Variants in RASSF5 observed in about 807,000 individuals in gnomAD.
The protein encoded by RASSF5 is Ras association domain family member 5, also known as ras association domain-containing protein 5.
In RASSF5, 25 loss-of-function variants were observed where a neutral mutation model predicts 40.5. The observed-to-expected ratio is 0.62, with a 90% CI of 0.45 to 0.86. The LOEUF (loss-of-function observed/expected upper bound fraction) is 0.86, where lower values mean the gene tolerates loss of function less well. RASSF5 is among the 40% of genes least tolerant of loss of function. The probability of loss-of-function intolerance (pLI) is 0.00; values close to 1 mark genes in which losing one functional copy is unlikely to be tolerated. For synonymous variants in RASSF5, 246 were observed against 252.4 expected (o/e 0.97, Z 0.24); for missense variants, 521 against 572.8 (o/e 0.91, Z 0.92).
chr1:206,571,398 G>A (rs1668444110), intron 2 of RASSF5: 1 of 152,070 alleles, frequency 6.6e-6, no homozygotes, highest in Non-Finnish European at 1.5e-5. Context: ...GAGAGCTTAG[G>A]AGAGAGTTGG....
intron 2 of RASSF5, among the ~76,000 whole-genome samples, chr1:206,548,450 G>A (rs1307667626): frequency 1.3e-5 from 2 of 152,144 alleles, no homozygotes; most frequent in Non-Finnish European, 2.9e-5. Context: ...GGAACAATAC[G>A]AGATGCTCAT....
intron 2 of RASSF5, among the ~76,000 whole-genome samples, chr1:206,547,755 C>T (rs1667735154): frequency 6.6e-6 from 1 of 152,084 alleles, no homozygotes; most frequent in Non-Finnish European, 1.5e-5. Context: ...CTGCTATAAG[C>T]CCCTTACAAT....
chr1:206,526,409 A>C (rs1271407883), intron 1 of RASSF5, among the ~76,000 whole-genome samples: 3 of 151,954 alleles, frequency 2.0e-5, no homozygotes, highest in Non-Finnish European at 2.9e-5. Flanking sequence ...TAAATCAAGG[A>C]ACTACAGTAA....
chr1:206,558,939 C>G lies in RASSF5; in HGVS notation c.579+20646C>G, dbSNP rs1342548775. On this transcript the variant is annotated intron_variant, in intron 2 of 5. Coordinates refer to ENST00000579436, the MANE Select transcript of RASSF5 (RefSeq NM_182663.4). The stretch of plus-strand genomic sequence containing the variant: ...CTGCAGAGGGGAGGTGTCCCACCCT[C>G]CCGTGGGGTTCTTGCCGCGTGGTAT... 2.6e-5 allele frequency among the ~76,000 whole-genome samples: 4 copies of G among 152,264 alleles called. No homozygotes were observed. In the East Asian group the frequency reaches 7.7e-4, roughly 29 times the overall value.
chr1:206,557,432 C>T (rs1668019990), intron 2 of RASSF5: 1 of 1,421,542 alleles, frequency 7.0e-7, no homozygotes. Flanking sequence ...TGGTCCGCTA[C>T]CCGACCAGCT....
At chr1:206,521,777 C>T (rs1305542463) in intron 1 of RASSF5, among the ~76,000 whole-genome samples, 1 of 152,190 alleles carries the variant, frequency 6.6e-6, no homozygotes, top group Non-Finnish European at 1.5e-5. Context: ...TTGTCAGCTA[C>T]CCAGGGTCCT....
In RASSF5 at chr1:206,513,271, C is replaced by T. The variant is rs189615734; in HGVS notation, c.457+5212C>T. On this transcript the variant is annotated intron_variant, in intron 1 of 5. Coordinates refer to ENST00000579436, the MANE Select transcript of RASSF5 (RefSeq NM_182663.4). The surrounding 1 kb of genome is among the most constrained non-coding windows in gnomAD (Gnocchi z 5.0). The stretch of plus-strand genomic sequence containing the variant: ...GAGGGCAGCTGCTGGCATTCTTGCT[C>T]TGCCCAGGCTTACTATGAAGGCTGC... Among the ~76,000 whole-genome samples, 72 of 152,366 alleles carry T rather than the reference C, an allele frequency of 4.7e-4. No individual in the cohort carries two copies. The highest frequency in any genetic ancestry group is 1.7e-3 in the African/African-American group (69 of 41,586).
chr1:206,537,111 C>T (rs1397591200), intron 1 of RASSF5, among the ~76,000 whole-genome samples: 1 of 152,142 alleles, frequency 6.6e-6, no homozygotes, highest in African/African-American at 2.4e-5. Flanking sequence ...CCAAAGAGAG[C>T]CCTTGAGAAA....
intron 2 of RASSF5, among the ~76,000 whole-genome samples, chr1:206,538,782 T>G (rs191967688): frequency 1.3e-5 from 2 of 152,346 alleles, no homozygotes; most frequent in Admixed American, 6.5e-5. Context: ...TAAAGACACT[T>G]GAACTGTGAT....
At chr1:206,544,492 G>A (rs1667624604) in intron 2 of RASSF5, 1 of 152,180 alleles carries the variant, frequency 6.6e-6, no homozygotes, top group South Asian at 2.1e-4. Flanking sequence ...TGTTGTCCTG[G>A]ATATAAAACC....
Position 206,507,900 on chromosome 1 carries a change from C to G in RASSF5, c.298C>G (p.Pro100Ala), listed in dbSNP as rs889707187. 6.6e-7 allele frequency: 1 copy of G among 1,504,630 alleles called. No homozygotes were observed. Among genetic ancestry groups the G allele is most frequent in the Non-Finnish European group, 8.8e-7 (1 of 1,134,140 alleles). 93.2% of individuals were successfully genotyped at this position (1,504,630 alleles called of 1,614,324 possible). Residue 100 changes from proline (P) to alanine (A), a missense_variant, in exon 1 of 6, where the codon CCC becomes GCC. Physicochemically the swap from Pro to Ala is conservative, Grantham distance 27. Coordinates refer to ENST00000579436, the MANE Select transcript of RASSF5 (RefSeq NM_182663.4). ...RLRRRPGAPR[P>A]RDVRSIFEQP... ...GCGGCGGCGGCCTGGAGCGCCCCGA[C>G]CCCGCGACGTGCGGAGCATCTTCGA...
chr1:206,517,500 C>T (rs1666781156), intron 1 of RASSF5, among the ~76,000 whole-genome samples: 1 of 152,054 alleles, frequency 6.6e-6, no homozygotes, highest in Admixed American at 6.6e-5. Context: ...ACAAGTGTCC[C>T]TCCTTCATGT....
At chr1:206,536,137 C>T (rs1256066798) in intron 1 of RASSF5, among the ~76,000 whole-genome samples, 3 of 152,180 alleles carry the variant, frequency 2.0e-5, no homozygotes, top group Non-Finnish European at 4.4e-5. Context: ...TTGTACCCTT[C>T]ACCTTACTAA....
chr1:206,570,513 C>T (rs1180331189), intron 2 of RASSF5, among the ~76,000 whole-genome samples: 1 of 152,074 alleles, frequency 6.6e-6, no homozygotes, highest in Non-Finnish European at 1.5e-5. Flanking sequence ...AACTCCTTAC[C>T]AATTAAACAG....
At chr1:206,578,233 A>AGTGT (rs58059864) in intron 2 of RASSF5, among the ~76,000 whole-genome samples, 4,757 of 117,498 alleles carry the variant, frequency 0.04, 82 homozygotes, top group African/African-American at 0.056. Flanking sequence ...AAAAAAAAAA[A>AGTGT]GTGTGTGTGT....
Position 206,579,209 on chromosome 1 carries a change from C to T in RASSF5, c.580-4060C>T, listed in dbSNP as rs782602365. 1.3e-5 allele frequency among the ~76,000 whole-genome samples: 2 copies of T among 152,208 alleles called. No homozygotes were observed. Among genetic ancestry groups the T allele is most frequent in the Admixed American group, 6.5e-5 (1 of 15,278 alleles). On this transcript the variant is annotated intron_variant, in intron 2 of 5. Transcript: ENST00000579436. The surrounding 1 kb of genome is among the most constrained non-coding windows in gnomAD (Gnocchi z 4.2). ...GCATTGGGAACAGCTCAGCCATCTG[C>T]CACCAATGCCAGGGGCTTAATCGGA... is the stretch of plus-strand genomic sequence containing the variant.
At chr1:206,567,707 T>G (rs542754443) in intron 2 of RASSF5, among the ~76,000 whole-genome samples, 3 of 152,026 alleles carry the variant, frequency 2.0e-5, no homozygotes, top group Admixed American at 6.5e-5. Context: ...GACTGGGGTG[T>G]GTGGAGGTAT....
At chr1:206,520,564 G>A (rs910998854) in intron 1 of RASSF5, among the ~76,000 whole-genome samples, 21 of 145,410 alleles carry the variant, frequency 1.4e-4, no homozygotes, top group Non-Finnish European at 2.4e-4. Flanking sequence ...CCAAAATCGC[G>A]CCACTGCACT....
chr1:206,539,798 T>C (rs186325465), intron 2 of RASSF5, among the ~76,000 whole-genome samples: 7 of 152,272 alleles, frequency 4.6e-5, no homozygotes, highest in East Asian at 1.9e-4. Context: ...CCTCAGAAGA[T>C]AGAGGGAGGA....
Sources: allele counts gnomAD v4.1 joint callset (sites outside exome capture counted in the v4.1 genomes callset), GRCh38; gene constraint gnomAD v4.1.1; non-coding constraint Gnocchi (gnomAD v3.1); transcripts MANE v1.5; gene names NCBI Gene and HGNC (gene_info 2026-07-23, HGNC 2026-07-21).